Variants in FAM135A observed in about 807,000 individuals in gnomAD.
FAM135A encodes the protein family with sequence similarity 135 member A, also known as protein FAM135A.
FAM135A carries 79 observed loss-of-function variants against 146.8 expected under a neutral mutation model. The ratio of observed to expected loss-of-function variants is 0.54; its 90% CI spans 0.45 to 0.65. The LOEUF (loss-of-function observed/expected upper bound fraction) is 0.65, where lower values mean the gene tolerates loss of function less well. Among genes scored for constraint, FAM135A ranks in the 30% least tolerant of loss-of-function variants. FAM135A has a pLI of 0.00. For synonymous variants in FAM135A, 562 were observed against 603.6 expected, an observed-to-expected ratio of 0.93 and a Z score of 1.01; for missense variants, 1,623 against 1,758.2, an observed-to-expected ratio of 0.92 and a Z score of 1.38.
chr6:70,556,789 T>C lies in FAM135A; in HGVS notation c.4268T>C (p.Leu1423Pro). 6.2e-7 allele frequency: 1 copy of C among 1,613,726 alleles called. No individual in the cohort carries two copies. The highest frequency in any genetic ancestry group is 1.1e-5 in the South Asian group (1 of 91,060). Reference protein sequence around the residue: ...YFKNVVLVGSLQDRYVPYHSA... With the variant: ...YFKNVVLVGSPQDRYVPYHSA... ...AAAAATGTTGTGCTAGTGGGATCCC[T>C]ACAGGATCGCTATGTTCCTTATCAC... The change falls in exon 21 of 22, where the codon CTA (leucine) becomes CCA (proline). Residue 1423 changes from leucine (L) to proline (P), a missense_variant. Leu to Pro is a moderately conservative substitution (Grantham distance 98). Transcript: ENST00000418814.
intron 16 of FAM135A, among the ~76,000 whole-genome samples, chr6:70,532,143 T>C (rs1278170689): frequency 6.6e-6 from 1 of 152,106 alleles, no homozygotes; most frequent in Non-Finnish European, 1.5e-5. Flanking sequence ...CCTAAAGTGC[T>C]GGGATTACAG....
intron 5 of FAM135A, among the ~76,000 whole-genome samples, chr6:70,465,504 C>A (rs780096108): frequency 6.6e-6 from 1 of 152,076 alleles, no homozygotes; most frequent in Non-Finnish European, 1.5e-5. Context: ...TCACTGCCCT[C>A]GACCTCTTGA....
intron 5 of FAM135A, among the ~76,000 whole-genome samples, chr6:70,457,130 T>G (rs1380723348): frequency 2.0e-5 from 3 of 152,190 alleles, no homozygotes; most frequent in Non-Finnish European, 4.4e-5. Context: ...AACAAGGAAA[T>G]GTCCTTTCTG....
chr6:70,511,243 C>T (rs961733262), intron 12 of FAM135A, among the ~76,000 whole-genome samples: 1 of 151,812 alleles, frequency 6.6e-6, no homozygotes, highest in African/African-American at 2.4e-5. Flanking sequence ...TTTTAGCTCT[C>T]TTGATAATGT....
At chr6:70,471,570 G>A (rs1781618676) in intron 5 of FAM135A, among the ~76,000 whole-genome samples, 1 of 146,750 alleles carries the variant, frequency 6.8e-6, no homozygotes, top group African/African-American at 2.7e-5. Context: ...GGAGGATAGG[G>A]GGTGGGAGGA....
At chr6:70,478,164 G>C (rs1044911001) in intron 8 of FAM135A, among the ~76,000 whole-genome samples, 5 of 152,012 alleles carry the variant, frequency 3.3e-5, no homozygotes, top group Non-Finnish European at 5.9e-5. Context: ...ACTATATCAT[G>C]TACCATTAGT....
Position 70,556,797 on chromosome 6 carries a change from C to T in FAM135A, c.4276C>T (p.Arg1426Cys), listed in dbSNP as rs768412922. The T allele has an allele frequency of 2.3e-5, 37 of 1,613,682 alleles. No individual in the cohort carries two copies. The Admixed American group carries it at 2.3e-4, about 10-fold the overall frequency. The change falls in exon 21 of 22, where the codon CGC becomes TGC. Residue 1426 changes from arginine (R) to cysteine (C), a missense_variant. Transcript: ENST00000418814. ...NVVLVGSLQD[R>C]YVPYHSARIE... is the part of the protein sequence containing the mutation. ...TGTGCTAGTGGGATCCCTACAGGAT[C>T]GCTATGTTCCTTATCACTCTGCCCG...
At chr6:70,491,007 A>G (rs1785797935) in intron 10 of FAM135A, 27 bp from the exon 11 acceptor site, 1 of 1,522,810 alleles carries the variant, frequency 6.6e-7, no homozygotes, top group Non-Finnish European at 8.8e-7. Flanking sequence ...ACATTGGAAT[A>G]TTTCCTCTAC....
chr6:70,526,804 T>C (rs10945228), intron 15 of FAM135A, 106 bp downstream of exon 15: 8,706 of 666,442 alleles, frequency 0.013, 56 homozygotes, highest in Middle Eastern at 0.025. Flanking sequence ...CACACACACA[T>C]ATATATATAA....
intron 12 of FAM135A, among the ~76,000 whole-genome samples, chr6:70,521,325 T>G (rs1793530701): frequency 6.6e-6 from 1 of 152,140 alleles, no homozygotes; most frequent in Non-Finnish European, 1.5e-5. Context: ...ATGCGTTTTT[T>G]TCATGCTTTA....
intron 16 of FAM135A, among the ~76,000 whole-genome samples, chr6:70,531,888 CTTT>C (rs869128532): frequency 0.011 from 923 of 85,658 alleles, 4 homozygotes; most frequent in African/African-American, 0.039. Context: ...AAACTGATTT[CTTT>C]TTTTTTTTTT....
chr6:70,510,492 T>C (rs1482568583), intron 12 of FAM135A, among the ~76,000 whole-genome samples: 1 of 152,122 alleles, frequency 6.6e-6, no homozygotes, highest in African/African-American at 2.4e-5. Context: ...TAGTCTCATT[T>C]ACTGATCTTG....
At chr6:70,457,329 T>G (rs935668649) in intron 5 of FAM135A, among the ~76,000 whole-genome samples, 2 of 152,242 alleles carry the variant, frequency 1.3e-5, no homozygotes, top group Admixed American at 1.3e-4. Flanking sequence ...AGGGTGGTGC[T>G]ACAGACTCAG....
chr6:70,486,203 T>C (rs1784610769), intron 10 of FAM135A: 1 of 1,613,758 alleles, frequency 6.2e-7, no homozygotes, highest in African/African-American at 1.3e-5. Flanking sequence ...GAGCGTCTTC[T>C]CAGAAGAAAA....
At chr6:70,522,459 G>A (rs1213193347) in intron 12 of FAM135A, 54 bp from the exon 13 acceptor site, 2 of 1,510,386 alleles carry the variant, frequency 1.3e-6, no homozygotes, top group South Asian at 1.1e-5. Flanking sequence ...TAAGATGCCG[G>A]ATTGACTTTT....
intron 8 of FAM135A, among the ~76,000 whole-genome samples, chr6:70,480,080 C>T (rs1582429268): frequency 1.3e-5 from 2 of 152,120 alleles, no homozygotes; most frequent in Admixed American, 6.6e-5. Context: ...GCCAAACTAT[C>T]GAACAGTTCA....
At chr6:70,438,288 A>G (rs1389898367) in intron 4 of FAM135A, among the ~76,000 whole-genome samples, 1 of 152,218 alleles carries the variant, frequency 6.6e-6, no homozygotes, top group Non-Finnish European at 1.5e-5. Flanking sequence ...ACAAATTTAA[A>G]ATACTTACAG....
At chr6:70,472,251 G>C (rs759244402) in intron 5 of FAM135A, among the ~76,000 whole-genome samples, 1 of 152,092 alleles carries the variant, frequency 6.6e-6, no homozygotes, top group African/African-American at 2.4e-5. Context: ...CACGTTACCT[G>C]GGTGCTCTCA....
chr6:70,425,690 CA>C (rs1228777173), intron 2 of FAM135A, among the ~76,000 whole-genome samples: 3 of 152,156 alleles, frequency 2.0e-5, no homozygotes, highest in Non-Finnish European at 2.9e-5. Flanking sequence ...ATCATTGTGT[CA>C]AAGTATTTTA....
Sources: gnomAD v4.1 joint callset for allele counts (sites outside exome capture counted in the v4.1 genomes callset) on GRCh38, gnomAD v4.1.1 for gene constraint, MANE v1.5 for transcripts, NCBI Gene and HGNC (gene_info 2026-07-23, HGNC 2026-07-21) for gene names.